TENM3: variants seen among roughly 807,000 people sequenced by gnomAD.
The protein encoded by TENM3 is teneurin transmembrane protein 3, also known as teneurin-3.
A neutral mutation model predicts 255.1 loss-of-function variants in TENM3; 63 were observed. That is an observed-to-expected ratio of 0.25 (90% confidence interval 0.20 to 0.30). The LOEUF (loss-of-function observed/expected upper bound fraction) is 0.30. Ranked by LOEUF, TENM3 falls within the 10% of genes least tolerant of loss-of-function variation. The pLI, the probability that TENM3 is intolerant of heterozygous loss-of-function variation, is 1.00. For missense variants in TENM3, 2,929 were observed against 3,461.1 expected (o/e 0.85, Z 3.86); for synonymous variants, 1,306 against 1,322.3 (o/e 0.99, Z 0.27).
At chr4:181,616,281 CAAAA>C in the TENM3 span, among the ~76,000 whole-genome samples, 11,567 of 84,222 alleles carry the variant, frequency 0.14, 598 homozygotes, top group South Asian at 0.21. Context: ...TAAAGGTTTC[CAAAA>C]AAAAAAAAAA....
At chr4:181,731,817 T>C in the TENM3 span, among the ~76,000 whole-genome samples, 1 of 152,314 alleles carries the variant, frequency 6.6e-6, no homozygotes, top group African/African-American at 2.4e-5. Flanking sequence ...CACTGTACTA[T>C]ATATTAACAA....
At chr4:182,281,932 C>T (rs571175377) in intron 1 of TENM3, among the ~76,000 whole-genome samples, 7 of 152,058 alleles carry the variant, frequency 4.6e-5, no homozygotes, top group Non-Finnish European at 1.0e-4. Flanking sequence ...GACAGGGTTT[C>T]GCCATGTTGG....
At chr4:181,583,192 T>C in the TENM3 span, among the ~76,000 whole-genome samples, 1 of 151,920 alleles carries the variant, frequency 6.6e-6, no homozygotes, top group Non-Finnish European at 1.5e-5. Flanking sequence ...AAAGCAGTAA[T>C]AGCCACGAGA....
At chr4:182,515,577 GTATTT>G (rs1737853704) in intron 3 of TENM3, among the ~76,000 whole-genome samples, 1 of 152,128 alleles carries the variant, frequency 6.6e-6, no homozygotes, top group South Asian at 2.1e-4. Context: ...TACACAATAT[GTATTT>G]TATTAATTAC....
chr4:181,740,482 C>G, the TENM3 span, among the ~76,000 whole-genome samples: 100,164 of 151,868 alleles, frequency 0.66, 35,444 homozygotes, highest in East Asian at 0.83. Context: ...GGAATGGAGA[C>G]CACAAAGAGC....
intron 12 of TENM3, among the ~76,000 whole-genome samples, chr4:182,704,655 A>G (rs117105908): frequency 1.3e-5 from 2 of 152,272 alleles, no homozygotes; most frequent in East Asian, 3.9e-4. Flanking sequence ...GTAAGAGGCA[A>G]TGTAGTTATT....
intron 3 of TENM3, among the ~76,000 whole-genome samples, chr4:182,456,906 G>A (rs1328681269): frequency 1.3e-5 from 2 of 152,126 alleles, no homozygotes; most frequent in South Asian, 2.1e-4. Flanking sequence ...AGCTGGGCCC[G>A]GCATGGTGGC....
the TENM3 span, among the ~76,000 whole-genome samples, chr4:181,544,408 T>TGAAAAAAAAAA: frequency 1.5e-5 from 1 of 68,674 alleles, no homozygotes; most frequent in Non-Finnish European, 2.7e-5. Flanking sequence ...CCTTCAGGAT[T>TGAAAAAAAAAA]AAAAAAAAAA....
At chr4:182,521,749 T>C (rs1013418051) in intron 3 of TENM3, among the ~76,000 whole-genome samples, 1 of 152,368 alleles carries the variant, frequency 6.6e-6, no homozygotes, top group Middle Eastern at 3.4e-3. Flanking sequence ...TAGGATATTT[T>C]TAAAAAATTT....
intron 3 of TENM3, among the ~76,000 whole-genome samples, chr4:182,531,518 C>T (rs1739777097): frequency 6.6e-6 from 1 of 152,100 alleles, no homozygotes; most frequent in South Asian, 2.1e-4. Context: ...GCTGGGAGGA[C>T]TCACAGGACT....
At chr4:181,706,956 G>T in the TENM3 span, among the ~76,000 whole-genome samples, 17 of 152,148 alleles carry the variant, frequency 1.1e-4, no homozygotes, top group Non-Finnish European at 2.4e-4. Flanking sequence ...CCATCTCCCT[G>T]GTCCTGGAAG....
the TENM3 span, among the ~76,000 whole-genome samples, chr4:181,528,235 A>T: frequency 3.3e-5 from 5 of 152,196 alleles, no homozygotes; most frequent in African/African-American, 1.2e-4. Flanking sequence ...TGGCATTTAA[A>T]AATAAAGCTA....
intron 5 of TENM3, among the ~76,000 whole-genome samples, chr4:182,634,476 T>C (rs939092599): frequency 2.6e-5 from 4 of 152,122 alleles, no homozygotes; most frequent in South Asian, 2.1e-4. Flanking sequence ...CTTTCTTTCA[T>C]TGGAGTCATC....
intron 24 of TENM3, among the ~76,000 whole-genome samples, chr4:182,781,497 A>T (rs1470392484): frequency 6.6e-6 from 1 of 151,936 alleles, no homozygotes; most frequent in Non-Finnish European, 1.5e-5. Context: ...ATGTTCATCA[A>T]GGATATTGGT....
intron 13 of TENM3, among the ~76,000 whole-genome samples, chr4:182,715,322 C>A (rs969399546): frequency 3.3e-5 from 5 of 152,214 alleles, no homozygotes; most frequent in African/African-American, 4.8e-5. Context: ...TCTCTCTGCT[C>A]TTTTTGAGAC....
intron 11 of TENM3, 87 bp from the exon 12 acceptor site, chr4:182,688,079 G>T (rs1459670286): frequency 1.1e-5 from 14 of 1,254,484 alleles, no homozygotes; most frequent in Non-Finnish European, 1.5e-5. Flanking sequence ...GAACAAATTT[G>T]TGTGGAAGAT....
chr4:182,717,355 C>A (rs577685841), intron 13 of TENM3, among the ~76,000 whole-genome samples: 37 of 152,310 alleles, frequency 2.4e-4, no homozygotes, highest in African/African-American at 8.4e-4. Context: ...TCTTCAGCCA[C>A]CCTTTTAACA....
intron 1 of TENM3, chr4:182,169,227 A>G (rs952021796): frequency 1.5e-5 from 7 of 468,390 alleles, no homozygotes; most frequent in Non-Finnish European, 1.3e-5. Context: ...CAGTCTGGCG[A>G]GTCAGGTTGG....
rs556443168 is a variant in TENM3 at position 182,437,503 on chromosome 4, T to C, written c.511+90574T>C. Among the ~76,000 whole-genome samples, 3 of 144,818 alleles carry C rather than the reference T, an allele frequency of 2.1e-5. No homozygotes were observed. In the East Asian group the frequency reaches 6.1e-4, roughly 30 times the overall value. On this transcript the variant is annotated intron_variant, in intron 3 of 27. Coordinates refer to ENST00000511685, the MANE Select transcript of TENM3 (RefSeq NM_001080477.4). ...GTCTCTACAAAAAATACAAAAAAAA[T>C]AGCTGATGGCTGGCTGGGTGCGGTG...
Sources: allele counts gnomAD v4.1 joint callset (sites outside exome capture counted in the v4.1 genomes callset), GRCh38; gene constraint gnomAD v4.1.1; transcripts MANE v1.5; gene names NCBI Gene and HGNC (gene_info 2026-07-23, HGNC 2026-07-21).